The following SUPT3H variants were observed in gnomAD, a reference collection of about 807,000 sequenced individuals.
SUPT3H encodes the protein transcription initiation protein SPT3 homolog.
SUPT3H carries 44 observed loss-of-function variants against 44.3 expected under a neutral mutation model. The observed-to-expected ratio is 0.99, with a 90% CI of 0.78 to 1.28. SUPT3H has a LOEUF of 1.28. SUPT3H is among the 50% of genes most tolerant of loss of function. SUPT3H has a pLI of 0.00. For missense variants in SUPT3H, 380 were observed against 387.1 expected, an observed-to-expected ratio of 0.98 and a Z score of 0.15; for synonymous variants, 124 against 125.6, an observed-to-expected ratio of 0.99 and a Z score of 0.09.
At position 45,043,142 on chromosome 6, in the gene SUPT3H, T is replaced by C. The variant is rs9463060; in HGVS notation, c.187-22510A>G. On this transcript the variant is annotated intron_variant, in intron 3 of 10. Transcript: ENST00000371459. ...GAGCCTTGTATCTTACATACACACA[T>C]ACACACACACACACACACACACACA... Among the ~76,000 whole-genome samples the C allele has an allele frequency of 3.1e-3, 451 of 146,804 alleles. 4 individuals carry two copies. The highest frequency in any genetic ancestry group is 9.1e-3 in the African/African-American group (359 of 39,422).
chr6:45,254,757 C>A (rs1440815027), intron 2 of SUPT3H, among the ~76,000 whole-genome samples: 1 of 152,142 alleles, frequency 6.6e-6, no homozygotes, highest in Non-Finnish European at 1.5e-5. Flanking sequence ...TTTCACTTAC[C>A]CATGGTTTAA....
At chr6:44,938,785 T>A (rs994561472) in intron 9 of SUPT3H, among the ~76,000 whole-genome samples, 10 of 152,208 alleles carry the variant, frequency 6.6e-5, no homozygotes, top group Admixed American at 2.0e-4. Context: ...TAGAGATCTT[T>A]CATTTCATTG....
intron 10 of SUPT3H, among the ~76,000 whole-genome samples, chr6:44,918,995 TA>T (rs1319181374): frequency 6.6e-6 from 1 of 152,214 alleles, no homozygotes; most frequent in Non-Finnish European, 1.5e-5. Context: ...GGAATGATTG[TA>T]TGGGTGATGA....
intron 10 of SUPT3H, among the ~76,000 whole-genome samples, chr6:44,870,706 C>T (rs1359411082): frequency 2.6e-5 from 4 of 151,234 alleles, no homozygotes; most frequent in African/African-American, 4.9e-5. Flanking sequence ...ACGCAGAAGA[C>T]GGGTGATTTC....
intron 2 of SUPT3H, among the ~76,000 whole-genome samples, chr6:45,257,676 G>A (rs924088947): frequency 2.6e-5 from 4 of 152,008 alleles, no homozygotes; most frequent in African/African-American, 4.8e-5. Context: ...TTCTTGCTGC[G>A]GCATCCCATA....
chr6:45,323,705 A>C (rs1785897971), intron 2 of SUPT3H, among the ~76,000 whole-genome samples: 1 of 152,198 alleles, frequency 6.6e-6, no homozygotes, highest in East Asian at 1.9e-4. Context: ...TTTAATACTA[A>C]AAGAGTTCAA....
chr6:44,944,730 C>A (rs540024896), intron 9 of SUPT3H, among the ~76,000 whole-genome samples: 10 of 110,630 alleles, frequency 9.0e-5, no homozygotes, highest in African/African-American at 3.4e-4. Context: ...CTACTGTACT[C>A]CAGCCTGGGA....
chr6:45,069,427 G>C (rs1248355555), intron 3 of SUPT3H, among the ~76,000 whole-genome samples: 1 of 152,140 alleles, frequency 6.6e-6, no homozygotes, highest in Non-Finnish European at 1.5e-5. Context: ...TGTAAGAAGA[G>C]AGTAAGGAAA....
At chr6:44,944,648 G>A (rs1408354143) in intron 9 of SUPT3H, among the ~76,000 whole-genome samples, 1 of 148,804 alleles carries the variant, frequency 6.7e-6, no homozygotes, top group Non-Finnish European at 1.5e-5. Context: ...TGTAGTCCCA[G>A]CTACTCAGGA....
At chr6:44,907,048 C>G (rs62436374) in intron 10 of SUPT3H, among the ~76,000 whole-genome samples, 31,393 of 152,064 alleles carry the variant, frequency 0.21, 3,947 homozygotes, top group Non-Finnish European at 0.29. Flanking sequence ...AGATACAATT[C>G]TTTTAAAAAC....
rs548178468 is a variant in SUPT3H, at chr6:44,905,922, G to A, written c.912+26731C>T. On this transcript the variant is annotated intron_variant, in intron 10 of 10. Transcript: ENST00000371459. The stretch of plus-strand genomic sequence containing the variant: ...CATCATTCTCAGCAAACTATCGCAA[G>A]GACAAAAAAACCAAACACCACATGT... Among the ~76,000 whole-genome samples the A allele has an allele frequency of 1.8e-3, 273 of 151,996 alleles. 1 individual carries two copies. Among genetic ancestry groups the A allele is most frequent in the Non-Finnish European group, 3.1e-3 (208 of 68,006 alleles).
intron 2 of SUPT3H, among the ~76,000 whole-genome samples, chr6:45,140,425 T>C (rs1016567044): frequency 6.6e-6 from 1 of 152,166 alleles, no homozygotes; most frequent in Non-Finnish European, 1.5e-5. Flanking sequence ...CAGCTGGCAC[T>C]TTCTTCAAAG....
At chr6:45,178,841 G>A (rs1462764939) in intron 2 of SUPT3H, among the ~76,000 whole-genome samples, 1 of 152,002 alleles carries the variant, frequency 6.6e-6, no homozygotes, top group Non-Finnish European at 1.5e-5. Context: ...AATGAAGGCA[G>A]AAATAAAGAT....
chr6:45,290,349 T>C (rs1204917304), intron 2 of SUPT3H, among the ~76,000 whole-genome samples: 1 of 151,458 alleles, frequency 6.6e-6, no homozygotes, highest in Non-Finnish European at 1.5e-5. Flanking sequence ...TTAAATTATC[T>C]ACCAGGCACA....
At chr6:44,997,602 T>C (rs996691213) in intron 6 of SUPT3H, among the ~76,000 whole-genome samples, 1 of 151,872 alleles carries the variant, frequency 6.6e-6, no homozygotes, top group Admixed American at 6.6e-5. Flanking sequence ...AATTAATAAA[T>C]TATGTTATCT....
chr6:45,320,917 A>T (rs1174379641), intron 2 of SUPT3H, among the ~76,000 whole-genome samples: 2 of 152,284 alleles, frequency 1.3e-5, no homozygotes, highest in South Asian at 2.1e-4. Context: ...TAGTAACAGT[A>T]GTACAATATA....
At chr6:45,360,011 C>T (rs1198432292) in intron 2 of SUPT3H, among the ~76,000 whole-genome samples, 1 of 152,228 alleles carries the variant, frequency 6.6e-6, no homozygotes, top group Admixed American at 6.5e-5. Flanking sequence ...TTAGCTTTCA[C>T]ATTTTATTTC....
chr6:45,187,267 T>C (rs1814396111), intron 2 of SUPT3H, among the ~76,000 whole-genome samples: 1 of 151,844 alleles, frequency 6.6e-6, no homozygotes, highest in African/African-American at 2.4e-5. Context: ...ATAGAAAAAT[T>C]AGCTGGACCA....
chr6:45,065,569 T>C (rs1307125368), intron 3 of SUPT3H, among the ~76,000 whole-genome samples: 1 of 151,396 alleles, frequency 6.6e-6, no homozygotes, highest in Non-Finnish European at 1.5e-5. Flanking sequence ...CTAGCAAGAC[T>C]AATAAAGAAA....
Sources: gnomAD v4.1 joint callset for allele counts (sites outside exome capture counted in the v4.1 genomes callset) on GRCh38, gnomAD v4.1.1 for gene constraint, MANE v1.5 for transcripts, NCBI Gene and HGNC (gene_info 2026-07-23, HGNC 2026-07-21) for gene names.